Variants in DCC observed in about 807,000 individuals in gnomAD.
DCC encodes netrin receptor DCC.
Under a neutral mutation model 172.5 loss-of-function variants are expected in DCC, and 58 were observed. The observed-to-expected ratio is 0.34, with a 90% CI of 0.27 to 0.42. The LOEUF (loss-of-function observed/expected upper bound fraction) is 0.42, where lower values mean the gene tolerates loss of function less well. Among genes scored for constraint, DCC ranks in the 10% least tolerant of loss-of-function variants. DCC has a pLI of 1.00. For missense variants in DCC, 1,740 were observed against 1,791.0 expected (o/e 0.97, Z 0.51); for synonymous variants, 709 against 644.5 (o/e 1.10, Z -1.52).
At chr18:52,399,721 A>G (rs1397373518) in intron 1 of DCC, among the ~76,000 whole-genome samples, 1 of 151,944 alleles carries the variant, frequency 6.6e-6, no homozygotes, top group Non-Finnish European at 1.5e-5. Flanking sequence ...ATCACTCTAT[A>G]TGATGGCATT....
At chr18:53,285,974 G>A (rs1039914911) in intron 12 of DCC, among the ~76,000 whole-genome samples, 1 of 152,180 alleles carries the variant, frequency 6.6e-6, no homozygotes, top group South Asian at 2.1e-4. Context: ...CATTTGGAAT[G>A]GCTGCATTTA....
At chr18:52,856,670 G>T (rs537933018) in intron 2 of DCC, among the ~76,000 whole-genome samples, 2 of 147,116 alleles carry the variant, frequency 1.4e-5, no homozygotes, top group East Asian at 2.1e-4. Context: ...TATATATTAT[G>T]AATTCACTAC....
chr18:53,202,807 C>T (rs2055561025), intron 9 of DCC, among the ~76,000 whole-genome samples: 1 of 152,136 alleles, frequency 6.6e-6, no homozygotes, highest in African/African-American at 2.4e-5. Flanking sequence ...TGTCTGAATG[C>T]ATAACCTAAG....
Position 52,737,174 on chromosome 18 carries a change from G to A in DCC, c.92-14880G>A, listed in dbSNP as rs146354828. On this transcript the variant is annotated intron_variant, in intron 1 of 28. Coordinates refer to ENST00000442544, the MANE Select transcript of DCC (RefSeq NM_005215.4). ...TGATTTTTTTTATATTAGAGACGACGTGAAAGGAATTTGTTAAAGATCAAA... is the reference window on the plus strand; with the variant it reads ...TGATTTTTTTTATATTAGAGACGACATGAAAGGAATTTGTTAAAGATCAAA... 4.3e-3 allele frequency among the ~76,000 whole-genome samples: 656 copies of A among 152,128 alleles called. 5 individuals are homozygous for A. The highest frequency in any genetic ancestry group is 0.015 in the African/African-American group (626 of 41,510).
intron 7 of DCC, among the ~76,000 whole-genome samples, chr18:53,130,145 A>C (rs1301882030): frequency 6.6e-6 from 1 of 152,090 alleles, no homozygotes; most frequent in Non-Finnish European, 1.5e-5. Flanking sequence ...ATTGCAGACT[A>C]CCCATTCATA....
chr18:53,405,037 G>A (rs1422615883), intron 19 of DCC, among the ~76,000 whole-genome samples: 1 of 152,044 alleles, frequency 6.6e-6, no homozygotes, highest in Non-Finnish European at 1.5e-5. Context: ...ACCCTTAAGA[G>A]AATTTCTGTG....
In DCC at chr18:53,292,121, C is replaced by A. The variant is rs199845335; in HGVS notation, c.1912-13457C>A. Among the ~76,000 whole-genome samples, 151 of 151,822 alleles carry A rather than the reference C, an allele frequency of 9.9e-4. 1 individual carries two copies. In the East Asian group the frequency reaches 0.026, roughly 26 times the overall value. ...TTTATTCTTTGAGCTCCACCCCCCC[C>A]CCCTTTTTTCCTGTAAGCTGGGCTA... On this transcript the variant is annotated intron_variant, in intron 12 of 28. Transcript: ENST00000442544.
At chr18:53,207,560 A>C in intron 10 of DCC, 119 bp from the exon 11 acceptor site, 1 of 968,346 alleles carries the variant, frequency 1.0e-6, no homozygotes, top group South Asian at 1.3e-5. Flanking sequence ...ATAGCTCATT[A>C]GAAGGCTGGA....
intron 1 of DCC, among the ~76,000 whole-genome samples, chr18:52,723,637 T>A (rs2036506062): frequency 6.6e-6 from 1 of 152,200 alleles, no homozygotes. Context: ...TGAGGTCAGA[T>A]GAATCACTTA....
At chr18:52,518,198 T>C (rs534962848) in intron 1 of DCC, among the ~76,000 whole-genome samples, 1 of 152,342 alleles carries the variant, frequency 6.6e-6, no homozygotes, top group African/African-American at 2.4e-5. Flanking sequence ...CTATAGAGTT[T>C]GAGTCCAAAG....
At chr18:52,690,870 G>A (rs547939505) in intron 1 of DCC, among the ~76,000 whole-genome samples, 4 of 152,224 alleles carry the variant, frequency 2.6e-5, no homozygotes, top group Non-Finnish European at 4.4e-5. Flanking sequence ...AAGGCTGGGT[G>A]TTTTGTCTCA....
chr18:52,677,210 T>C (rs2035660471), intron 1 of DCC, among the ~76,000 whole-genome samples: 1 of 152,190 alleles, frequency 6.6e-6, no homozygotes, highest in Admixed American at 6.5e-5. Flanking sequence ...ATCATAAATA[T>C]TGTCCATTCT....
chr18:52,750,791 C>T (rs1285263912), intron 1 of DCC, among the ~76,000 whole-genome samples: 3 of 151,814 alleles, frequency 2.0e-5, no homozygotes, highest in Non-Finnish European at 2.9e-5. Context: ...ATTTAGATGC[C>T]TGCCTTTTAA....
At chr18:52,652,833 G>A (rs1253085656) in intron 1 of DCC, among the ~76,000 whole-genome samples, 2 of 151,768 alleles carry the variant, frequency 1.3e-5, no homozygotes, top group South Asian at 2.1e-4. Context: ...TCAGGGGACT[G>A]GTTATGGGGA....
chr18:52,884,979 C>G (rs554126905), intron 2 of DCC, among the ~76,000 whole-genome samples: 37 of 152,242 alleles, frequency 2.4e-4, no homozygotes, highest in Middle Eastern at 3.4e-3. Context: ...TGCAGAAACT[C>G]TCATTCATTT....
At chr18:52,465,245 C>A (rs1008444056) in intron 1 of DCC, among the ~76,000 whole-genome samples, 4 of 152,136 alleles carry the variant, frequency 2.6e-5, no homozygotes, top group Non-Finnish European at 5.9e-5. Flanking sequence ...TAGAATTAAC[C>A]TGCCTCTGAG....
At chr18:53,286,228 C>T (rs148538077) in intron 12 of DCC, among the ~76,000 whole-genome samples, 2 of 152,144 alleles carry the variant, frequency 1.3e-5, no homozygotes, top group Non-Finnish European at 2.9e-5. Flanking sequence ...TATGTCACCA[C>T]CCAAATCTCA....
chr18:52,679,971 T>A (rs2035715943), intron 1 of DCC, among the ~76,000 whole-genome samples: 2 of 152,038 alleles, frequency 1.3e-5, no homozygotes, highest in African/African-American at 4.8e-5. Flanking sequence ...CAGATAAAAT[T>A]GTACGGAATT....
intron 9 of DCC, among the ~76,000 whole-genome samples, chr18:53,182,648 T>C (rs1174931949): frequency 6.6e-6 from 1 of 152,232 alleles, no homozygotes; most frequent in Admixed American, 6.5e-5. Context: ...TTTTATCTTC[T>C]GTTGGTAACA....
Sources: allele counts gnomAD v4.1 joint callset (sites outside exome capture counted in the v4.1 genomes callset), GRCh38; gene constraint gnomAD v4.1.1; transcripts MANE v1.5; gene names NCBI Gene and HGNC (gene_info 2026-07-23, HGNC 2026-07-21).